The following MCM9 variants were observed in gnomAD, a reference collection of about 807,000 sequenced individuals.
MCM9 encodes DNA helicase MCM9.
MCM9 carries 55 observed loss-of-function variants against 72.8 expected under a neutral mutation model. That is an observed-to-expected ratio of 0.76 (90% CI 0.61 to 0.95). The LOEUF is 0.95. Ranked by LOEUF, MCM9 falls within the 40% of genes least tolerant of loss-of-function variation. The pLI is 0.00. For missense variants in MCM9, 1,279 were observed against 1,377.0 expected, an observed-to-expected ratio of 0.93 and a Z score of 1.13; for synonymous variants, 480 against 503.4, an observed-to-expected ratio of 0.95 and a Z score of 0.62.
intron 8 of MCM9, among the ~76,000 whole-genome samples, chr6:118,895,024 T>TGCCC: frequency 6.6e-6 from 1 of 152,190 alleles, no homozygotes; most frequent in East Asian, 1.9e-4. Flanking sequence ...GCCGCCCGCC[T>TGCCC]GCCCCCGGCG....
chr6:118,902,219 C>T (rs548261088), intron 8 of MCM9, among the ~76,000 whole-genome samples: 1 of 152,238 alleles, frequency 6.6e-6, no homozygotes, highest in Non-Finnish European at 1.5e-5. Context: ...GGTCAAATCC[C>T]GACACCTCTG....
intron 8 of MCM9, among the ~76,000 whole-genome samples, chr6:118,876,935 G>C (rs184949261): frequency 6.6e-6 from 1 of 152,318 alleles, no homozygotes; most frequent in East Asian, 1.9e-4. Context: ...TCAGGGCAGA[G>C]CTTTGTGACT....
At chr6:118,840,275 G>A (rs904473236) in intron 9 of MCM9, among the ~76,000 whole-genome samples, 5 of 152,000 alleles carry the variant, frequency 3.3e-5, no homozygotes, top group African/African-American at 1.2e-4. Context: ...CAGTGTTATG[G>A]TATTGGGAGG....
intron 1 of MCM9, among the ~76,000 whole-genome samples, chr6:118,933,346 T>C (rs2114477180): frequency 6.6e-6 from 1 of 151,032 alleles, no homozygotes; most frequent in Non-Finnish European, 1.5e-5. Context: ...TAAAAAAAAA[T>C]ACAAAAAAAA....
At chr6:118,848,915 T>C (rs1160631580) in intron 9 of MCM9, among the ~76,000 whole-genome samples, 1 of 149,002 alleles carries the variant, frequency 6.7e-6, no homozygotes, top group African/African-American at 2.6e-5. Context: ...GAGCAAGACT[T>C]TGTTTCCAAA....
intron 8 of MCM9, among the ~76,000 whole-genome samples, chr6:118,889,326 GC>G (rs386705181): frequency 0.01 from 1,579 of 152,240 alleles, 29 homozygotes; most frequent in African/African-American, 0.036. Flanking sequence ...AAGCCTACAT[GC>G]CTAGCTTCTG....
chr6:118,894,575 A>G, intron 8 of MCM9: 2 of 1,438,130 alleles, frequency 1.4e-6, no homozygotes, highest in Non-Finnish European at 9.5e-7. Flanking sequence ...GCAGACGTTG[A>G]AAGTTTCCCG....
At chr6:118,927,221 T>C (rs1781968462) in intron 3 of MCM9, among the ~76,000 whole-genome samples, 1 of 152,174 alleles carries the variant, frequency 6.6e-6, no homozygotes, top group African/African-American at 2.4e-5. Context: ...GAGAACCACA[T>C]TACAGAAAAT....
chr6:118,895,099 C>T (rs1481739433), intron 8 of MCM9, among the ~76,000 whole-genome samples: 3 of 152,180 alleles, frequency 2.0e-5, no homozygotes, highest in Non-Finnish European at 2.9e-5. Context: ...CTGGCCATGC[C>T]TGGCCGCTTC....
intron 8 of MCM9, among the ~76,000 whole-genome samples, chr6:118,875,573 C>T (rs759924325): frequency 2.0e-5 from 3 of 151,672 alleles, no homozygotes; most frequent in Non-Finnish European, 2.9e-5. Context: ...GAGGTCAAGG[C>T]TGCAGTGAGC....
intron 8 of MCM9, among the ~76,000 whole-genome samples, chr6:118,883,285 T>G (rs553490657): frequency 2.8e-4 from 43 of 151,344 alleles, no homozygotes; most frequent in Non-Finnish European, 4.7e-4. Flanking sequence ...AATTATGCAA[T>G]CCAAAGAACA....
intron 3 of MCM9, among the ~76,000 whole-genome samples, chr6:118,926,136 C>T (rs949672198): frequency 1.3e-5 from 2 of 152,196 alleles, no homozygotes; most frequent in African/African-American, 4.8e-5. Flanking sequence ...TACTTTTGGT[C>T]TTCATGAATT....
chr6:118,864,312 G>A (rs987994157), intron 8 of MCM9, among the ~76,000 whole-genome samples: 2 of 152,046 alleles, frequency 1.3e-5, no homozygotes, highest in African/African-American at 4.8e-5. Flanking sequence ...AACAATATTT[G>A]AAAACCCATA....
chr6:118,888,597 T>C (rs1778749762), intron 8 of MCM9, among the ~76,000 whole-genome samples: 1 of 152,124 alleles, frequency 6.6e-6, no homozygotes, highest in Non-Finnish European at 1.5e-5. Context: ...AATGAAAACA[T>C]TTGTCCCATC....
In MCM9 at chr6:118,933,367, G is replaced by A. The variant is rs139430514; in HGVS notation, c.-149-627C>T. Among the ~76,000 whole-genome samples the A allele has an allele frequency of 2.4e-3, 358 of 152,134 alleles. 2 individuals carry two copies. Among genetic ancestry groups the A allele is most frequent in the African/African-American group, 7.6e-3 (315 of 41,498 alleles). On this transcript the variant is annotated intron_variant, in intron 1 of 13. Coordinates refer to ENST00000619706, the MANE Select transcript of MCM9 (RefSeq NM_017696.3). ...AAAATACAAAAAAAATTAGCTGGGC[G>A]TGGTGGCAGGTGCCTGAAGTCCCAG...
intron 8 of MCM9, among the ~76,000 whole-genome samples, chr6:118,897,795 AG>A (rs1195825819): frequency 6.6e-6 from 1 of 152,026 alleles, no homozygotes; most frequent in African/African-American, 2.4e-5. Context: ...CCTCAAATAC[AG>A]GGGGCAGAGG....
chr6:118,900,146 A>G (rs1040619126), intron 8 of MCM9, among the ~76,000 whole-genome samples: 10 of 152,120 alleles, frequency 6.6e-5, no homozygotes, highest in Admixed American at 2.0e-4. Context: ...CCTCTGCCCA[A>G]TTTAAAGAAT....
At chr6:118,910,678 C>T in intron 8 of MCM9, 2 of 985,322 alleles carry the variant, frequency 2.0e-6, no homozygotes, top group Non-Finnish European at 2.4e-6. Context: ...ATTTAAAACG[C>T]ATGGGAAATA....
At chr6:118,926,019 A>AGAATATTT (rs1476774879) in intron 3 of MCM9, among the ~76,000 whole-genome samples, 1 of 152,214 alleles carries the variant, frequency 6.6e-6, no homozygotes, top group African/African-American at 2.4e-5. Flanking sequence ...TTGTATAACC[A>AGAATATTT]TCACCACTAA....
Sources: gnomAD v4.1 joint callset for allele counts (sites outside exome capture counted in the v4.1 genomes callset) on GRCh38, gnomAD v4.1.1 for gene constraint, MANE v1.5 for transcripts, NCBI Gene and HGNC (gene_info 2026-07-23, HGNC 2026-07-21) for gene names.